AP4S1: variants seen among roughly 807,000 people sequenced by gnomAD.
The protein encoded by AP4S1 is AP-4 complex subunit sigma-1.
Under a neutral mutation model 19.8 loss-of-function variants are expected in AP4S1, and 23 were observed. That is an observed-to-expected ratio of 1.16 (90% CI 0.84 to 1.65). AP4S1 has a LOEUF of 1.65. Among genes scored for constraint, AP4S1 ranks in the 40% most tolerant of loss-of-function variants. The probability of loss-of-function intolerance (pLI) is 0.00; values close to 1 mark genes in which losing one functional copy is unlikely to be tolerated. For missense variants in AP4S1, 166 were observed against 172.8 expected (o/e 0.96, Z 0.22); for synonymous variants, 46 against 54.1 (o/e 0.85, Z 0.66).
intron 1 of AP4S1, among the ~76,000 whole-genome samples, chr14:31,048,061 G>C (rs1406138856): frequency 6.6e-6 from 1 of 150,980 alleles, no homozygotes; most frequent in Non-Finnish European, 1.5e-5. Flanking sequence ...TTTGTATGTG[G>C]TGTGACATAA....
intron 1 of AP4S1, among the ~76,000 whole-genome samples, chr14:31,053,609 T>C (rs1468360677): frequency 1.5e-4 from 21 of 138,582 alleles, no homozygotes; most frequent in African/African-American, 5.7e-4. Context: ...TTTTTTTTTT[T>C]TTTTTTTTTG....
chr14:31,075,197 C>T (rs1417734296), intron 4 of AP4S1, among the ~76,000 whole-genome samples: 1 of 152,136 alleles, frequency 6.6e-6, no homozygotes, highest in Non-Finnish European at 1.5e-5. Flanking sequence ...TCTTCCTCTC[C>T]CAGCTTTTGG....
intron 5 of AP4S1, among the ~76,000 whole-genome samples, chr14:31,090,898 G>T (rs1218868644): frequency 6.6e-6 from 1 of 152,254 alleles, no homozygotes; most frequent in Non-Finnish European, 1.5e-5. Flanking sequence ...AAAGCTGCAT[G>T]ATTATTAGAG....
intron 3 of AP4S1, among the ~76,000 whole-genome samples, chr14:31,071,234 G>GT (rs1886981664): frequency 6.6e-6 from 1 of 151,134 alleles, no homozygotes; most frequent in African/African-American, 2.4e-5. Context: ...TTGATTTGTT[G>GT]TTTTTTATCC....
At chr14:31,029,961 A>C (rs756305449) in intron 1 of AP4S1, among the ~76,000 whole-genome samples, 10 of 150,270 alleles carry the variant, frequency 6.7e-5, no homozygotes, top group Non-Finnish European at 1.5e-4. Context: ...TCCCATGCTT[A>C]TCTCTTTTTT....
chr14:31,091,787 C>T (rs1417424559), intron 5 of AP4S1, among the ~76,000 whole-genome samples: 3 of 152,038 alleles, frequency 2.0e-5, no homozygotes, highest in Admixed American at 6.6e-5. Context: ...TTTTGAACTC[C>T]GCTAGTGCAT....
chr14:31,084,237 G>A (rs1044534748), intron 5 of AP4S1, among the ~76,000 whole-genome samples: 10 of 152,198 alleles, frequency 6.6e-5, no homozygotes, highest in African/African-American at 2.4e-4. Context: ...TTTGGTACAG[G>A]AGAAGGAAGT....
chr14:31,081,262 G>A (rs759015129), intron 5 of AP4S1, among the ~76,000 whole-genome samples: 1 of 152,158 alleles, frequency 6.6e-6, no homozygotes, highest in African/African-American at 2.4e-5. Context: ...GATTTCCAGG[G>A]TGCCAGGTCT....
chr14:31,090,434 C>T lies in AP4S1; in HGVS notation c.307-2473C>T, dbSNP rs537421958. Reference sequence around the variant, plus strand: ...GGGAGAAAGTGGACTTCAGTAACTCCGCTCTTTGGGAGATTGTTTCTAGCT... The same window carrying T: ...GGGAGAAAGTGGACTTCAGTAACTCTGCTCTTTGGGAGATTGTTTCTAGCT... On this transcript the variant is annotated intron_variant, in intron 5 of 5. Transcript: ENST00000542754. 6.6e-5 allele frequency among the ~76,000 whole-genome samples: 10 copies of T among 152,306 alleles called. No homozygotes were observed. The South Asian group carries it at 1.2e-3, about 19-fold the overall frequency.
intron 1 of AP4S1, among the ~76,000 whole-genome samples, chr14:31,059,628 T>C (rs1886313118): frequency 6.6e-6 from 1 of 152,168 alleles, no homozygotes; most frequent in South Asian, 2.1e-4. Flanking sequence ...TTACTGACAA[T>C]AATTTGTGAG....
At chr14:31,035,712 G>A (rs1288486309) in intron 1 of AP4S1, among the ~76,000 whole-genome samples, 2 of 150,498 alleles carry the variant, frequency 1.3e-5, no homozygotes, top group Non-Finnish European at 3.0e-5. Flanking sequence ...AAGAGACCAG[G>A]TTATTTTTTT....
chr14:31,071,001 G>A (rs1055711832), intron 3 of AP4S1, among the ~76,000 whole-genome samples: 2 of 152,008 alleles, frequency 1.3e-5, no homozygotes, highest in African/African-American at 4.8e-5. Context: ...GCAGTGAGCC[G>A]AGATTGCGCC....
chr14:31,074,747 A>C (rs1249361278), intron 4 of AP4S1, among the ~76,000 whole-genome samples: 1 of 152,154 alleles, frequency 6.6e-6, no homozygotes, highest in Non-Finnish European at 1.5e-5. Context: ...ACAGATACTC[A>C]GGAGGATGAG....
chr14:31,066,458 TAA>T, intron 2 of AP4S1, 124 bp downstream of exon 2: 1 of 1,308,780 alleles, frequency 7.6e-7, no homozygotes, highest in Non-Finnish European at 1.1e-6. Flanking sequence ...CTAAAGAAAA[TAA>T]GTGATGTGAA....
intron 1 of AP4S1, among the ~76,000 whole-genome samples, chr14:31,052,269 C>T (rs751004988): frequency 2.7e-4 from 41 of 151,372 alleles, no homozygotes; most frequent in Non-Finnish European, 4.7e-4. Context: ...GAGACCCTCT[C>T]GGGGAAAAAA....
At position 31,026,292 on chromosome 14, in the gene AP4S1, G is replaced by A; in HGVS notation, c.-72+505G>A. The A allele has an allele frequency of 7.3e-6, 9 of 1,237,920 alleles. No individual in the cohort carries two copies. In the South Asian group the frequency reaches 1.9e-4, roughly 25 times the overall value. 76.7% of individuals were successfully genotyped at this position (1,237,920 alleles called of 1,614,324 possible). On this transcript the variant is annotated intron_variant, in intron 1 of 5. Transcript: ENST00000542754. Reference sequence around the variant, plus strand: ...TGCGGGGCGGAGGCCGGCCGGGAGAGGGGCGGGGAAGGGGTCGTTGCTGTG... The same window carrying A: ...TGCGGGGCGGAGGCCGGCCGGGAGAAGGGCGGGGAAGGGGTCGTTGCTGTG...
intron 5 of AP4S1, among the ~76,000 whole-genome samples, chr14:31,089,196 A>G (rs1340007355): frequency 1.3e-5 from 2 of 151,568 alleles, no homozygotes; most frequent in African/African-American, 4.9e-5. Context: ...ACAGAAGACT[A>G]TACTATACTA....
At chr14:31,061,887 G>A (rs376710640) in intron 1 of AP4S1, among the ~76,000 whole-genome samples, 6 of 151,768 alleles carry the variant, frequency 4.0e-5, no homozygotes, top group South Asian at 2.1e-4. Flanking sequence ...TGATCCGCCC[G>A]CCTCGGCCTC....
At chr14:31,065,773 G>T (rs1886682192) in intron 1 of AP4S1, among the ~76,000 whole-genome samples, 1 of 152,084 alleles carries the variant, frequency 6.6e-6, no homozygotes. Context: ...CCATTCCCCT[G>T]CCTCAGCCTT....
Sources: gnomAD v4.1 joint callset for allele counts (sites outside exome capture counted in the v4.1 genomes callset) on GRCh38, gnomAD v4.1.1 for gene constraint, MANE v1.5 for transcripts, NCBI Gene and HGNC (gene_info 2026-07-23, HGNC 2026-07-21) for gene names.